The following ABCA5 variants were observed in gnomAD, a reference collection of about 807,000 sequenced individuals.
ABCA5 encodes the protein cholesterol transporter ABCA5.
A neutral mutation model predicts 206.0 loss-of-function variants in ABCA5; 163 were observed. The ratio of observed to expected loss-of-function variants is 0.79; its 90% CI spans 0.70 to 0.90. The LOEUF is 0.90. Among genes scored for constraint, ABCA5 ranks in the 40% least tolerant of loss-of-function variants. The pLI is 0.00. For synonymous variants in ABCA5, 609 were observed against 613.8 expected, an observed-to-expected ratio of 0.99 and a Z score of 0.11; for missense variants, 1,859 against 1,912.9, an observed-to-expected ratio of 0.97 and a Z score of 0.53.
At chr17:69,302,112 A>C (rs988644657) in intron 8 of ABCA5, among the ~76,000 whole-genome samples, 18 of 152,314 alleles carry the variant, frequency 1.2e-4, no homozygotes, top group African/African-American at 3.8e-4. Flanking sequence ...TATATTTAGT[A>C]ATTACATTTT....
chr17:69,260,306 A>G (rs1227662702), intron 27 of ABCA5, 32 bp downstream of exon 27: 3 of 1,494,694 alleles, frequency 2.0e-6, no homozygotes, highest in African/African-American at 1.4e-5. Flanking sequence ...CTTAAGGTAC[A>G]TGCTAATTCA....
Position 69,283,909 on chromosome 17 carries a change from T to G in ABCA5, c.2392+44A>C, listed in dbSNP as rs182229987. The stretch of plus-strand genomic sequence containing the variant: ...TATAATTTTTGTCTTATTCACCATC[T>G]GTCTGATTCATTGCCTAAAATGTTT... On this transcript the variant is annotated intron_variant, in intron 18 of 38. Coordinates refer to ENST00000392676, the MANE Select transcript of ABCA5 (RefSeq NM_172232.4). 8.9e-3 allele frequency: 13,888 copies of G among 1,560,408 alleles called. 100 individuals are homozygous for G. Among genetic ancestry groups the G allele is most frequent in the Non-Finnish European group, 9.8e-3 (11,343 of 1,159,422 alleles).
intron 22 of ABCA5, chr17:69,268,828 A>C (rs2075239983): frequency 6.6e-6 from 1 of 152,142 alleles, no homozygotes; most frequent in Non-Finnish European, 1.5e-5. Flanking sequence ...AGAGTACATC[A>C]CTGTCTTGCT....
intron 15 of ABCA5, among the ~76,000 whole-genome samples, chr17:69,287,186 T>G (rs544949469): frequency 6.6e-6 from 1 of 152,346 alleles, no homozygotes; most frequent in South Asian, 2.1e-4. Context: ...ATATACTAAC[T>G]TTCCCAAGTA....
At chr17:69,248,724 A>C (rs1050876826) in intron 37 of ABCA5, 1 of 161,380 alleles carries the variant, frequency 6.2e-6, no homozygotes, top group Non-Finnish European at 1.3e-5. Flanking sequence ...TTTGTTTTTA[A>C]GACAAGGTCT....
chr17:69,318,679 A>C (rs371251272), intron 1 of ABCA5: 14 of 441,030 alleles, frequency 3.2e-5, no homozygotes, highest in African/African-American at 2.4e-4. Context: ...ACATTAAAAT[A>C]AATTCTTCCA....
In ABCA5 at chr17:69,308,463, A is replaced by G. The variant is rs2075740997; in HGVS notation, c.470-95T>C. 6.5e-6 allele frequency: 5 copies of G among 764,850 alleles called. No individual in the cohort carries two copies. The East Asian group carries it at 1.3e-4, about 19-fold the overall frequency. The allele number at this position is 764,850 out of a possible 1,614,324, so 47.4% of individuals were successfully genotyped here. ...ATGGAGAGATACCTACCAAAACAAT[A>G]TAATCAATCAATCTTTACAGGACCA... On this transcript the variant is annotated intron_variant, in intron 4 of 38. Coordinates refer to ENST00000392676, the MANE Select transcript of ABCA5 (RefSeq NM_172232.4).
intron 36 of ABCA5, 110 bp from the exon 37 acceptor site, chr17:69,250,094 G>A: frequency 2.8e-6 from 2 of 711,164 alleles, no homozygotes; most frequent in Admixed American, 3.8e-5. Flanking sequence ...AACTTATTTT[G>A]GTATTTAGTT....
At chr17:69,312,055 A>G (rs17686852) in intron 3 of ABCA5, among the ~76,000 whole-genome samples, 15,893 of 152,224 alleles carry the variant, frequency 0.1, 927 homozygotes, top group Admixed American at 0.16. Context: ...CAATGACATA[A>G]AATCCAATAA....
chr17:69,298,316 GAGGAAGGA>G (rs71144670), intron 9 of ABCA5, among the ~76,000 whole-genome samples: 565 of 42,060 alleles, frequency 0.013, 13 homozygotes, highest in African/African-American at 0.033. Flanking sequence ...AAGAGAGAGA[GAGGAAGGA>G]AGGAAGGAAG....
chr17:69,259,861 C>T, intron 27 of ABCA5, 64 bp from the exon 28 acceptor site: 1 of 1,056,616 alleles, frequency 9.5e-7, no homozygotes, highest in Middle Eastern at 2.1e-4. Flanking sequence ...TTGTTTTTTC[C>T]TTTGCCAACA....
intron 11 of ABCA5, among the ~76,000 whole-genome samples, chr17:69,292,736 A>T (rs1461429578): frequency 6.6e-6 from 1 of 152,224 alleles, no homozygotes; most frequent in East Asian, 1.9e-4. Flanking sequence ...AAGCACTGTA[A>T]CCATAAAAGA....
rs146823111 is a variant in ABCA5, at chr17:69,308,357, T to C, written c.481A>G (p.Lys161Glu). The C allele has an allele frequency of 1.5e-5, 24 of 1,611,088 alleles. No individual in the cohort carries two copies. The African/African-American group carries it at 2.8e-4, about 19-fold the overall frequency. Reference sequence around the variant, plus strand: ...CAGTACTGAGCAGCCTCACATGATTTTGAACAGCCAGCTATGGGGGGAAGA... The same window carrying C: ...CAGTACTGAGCAGCCTCACATGATTCTGAACAGCCAGCTATGGGGGGAAGA... ...IYMDSRAGCS[K>E]SCEAAQYWSS... Residue 161 changes from lysine to glutamate, a missense_variant, in exon 5 of 39, where the codon AAA becomes GAA. Transcript: ENST00000392676.
At chr17:69,299,780 C>T (rs2145006588) in intron 9 of ABCA5, among the ~76,000 whole-genome samples, 1 of 152,088 alleles carries the variant, frequency 6.6e-6, no homozygotes, top group Non-Finnish European at 1.5e-5. Flanking sequence ...GCACCAATAT[C>T]TCAGAAATTA....
intron 38 of ABCA5, 34 bp downstream of exon 38, chr17:69,248,228 T>C (rs1046693327): frequency 1.6e-6 from 2 of 1,272,344 alleles, no homozygotes; most frequent in East Asian, 5.1e-5. Context: ...CTTTCTTCTA[T>C]AAAATAATTT....
intron 18 of ABCA5, among the ~76,000 whole-genome samples, chr17:69,282,300 C>T (rs2075402677): frequency 6.6e-6 from 1 of 152,154 alleles, no homozygotes; most frequent in Non-Finnish European, 1.5e-5. Flanking sequence ...CCTCTTGGCT[C>T]CTTCTCCACT....
At chr17:69,301,380 A>G in intron 8 of ABCA5, 94 bp from the exon 9 acceptor site, 1 of 994,192 alleles carries the variant, frequency 1.0e-6, no homozygotes, top group Non-Finnish European at 1.4e-6. Flanking sequence ...ATCCAGAGTG[A>G]TAGTAACCAA....
Position 69,264,809 on chromosome 17 carries a change from G to A in ABCA5, c.3241C>T (p.Leu1081Phe). Residue 1081 changes from leucine (L) to phenylalanine (F), a missense_variant, in exon 24 of 39, where the codon CTT becomes TTT. Physicochemically the swap from Leu to Phe is conservative, Grantham distance 22. Transcript: ENST00000392676. ...AATAAGCTTCCTAGCATCAAAATAAGAATGATAAAAAATAAGGGGATATCA... is the reference window on the plus strand; with the variant it reads ...AATAAGCTTCCTAGCATCAAAATAAAAATGATAAAAAATAAGGGGATATCA... ...VVDIPLFFII[L>F]ILMLGSLLAF... is the part of the protein sequence containing the mutation. The A allele has an allele frequency of 5.6e-6, 9 of 1,599,326 alleles. No homozygotes were observed. The highest frequency in any genetic ancestry group is 7.7e-6 in the Non-Finnish European group (9 of 1,172,926).
At chr17:69,265,815 G>T (rs1325476986) in intron 23 of ABCA5, among the ~76,000 whole-genome samples, 1 of 152,132 alleles carries the variant, frequency 6.6e-6, no homozygotes, top group Non-Finnish European at 1.5e-5. Context: ...TCAAACTTTT[G>T]TCATTCACAC....
Sources: gnomAD v4.1 joint callset for allele counts (sites outside exome capture counted in the v4.1 genomes callset) on GRCh38, gnomAD v4.1.1 for gene constraint, MANE v1.5 for transcripts, NCBI Gene and HGNC (gene_info 2026-07-23, HGNC 2026-07-21) for gene names.